The following TFCP2 variants were observed in gnomAD, a reference collection of about 807,000 sequenced individuals.
TFCP2 encodes transcription factor CP2, also known as alpha-globin transcription factor CP2.
Under a neutral mutation model 73.4 loss-of-function variants are expected in TFCP2, and 33 were observed. The ratio of observed to expected loss-of-function variants is 0.45; its 90% confidence interval spans 0.34 to 0.60. TFCP2 has a LOEUF of 0.60. Among genes scored for constraint, TFCP2 ranks in the 20% least tolerant of loss-of-function variants. The pLI is 0.01. For missense variants in TFCP2, 352 were observed against 604.0 expected, an observed-to-expected ratio of 0.58 and a Z score of 4.37; for synonymous variants, 193 against 211.6, an observed-to-expected ratio of 0.91 and a Z score of 0.76.
chr12:51,104,228 G>C (rs774146950), intron 8 of TFCP2, 25 bp from the exon 9 acceptor site: 1 of 1,608,666 alleles, frequency 6.2e-7, no homozygotes, highest in Non-Finnish European at 8.5e-7. Context: ...AAAATGAAAG[G>C]ATGAGTCCAT....
chr12:51,163,544 C>T (rs953160824), intron 1 of TFCP2, among the ~76,000 whole-genome samples: 3 of 151,820 alleles, frequency 2.0e-5, no homozygotes, highest in African/African-American at 7.3e-5. Context: ...GAGCCAAGAT[C>T]ACGCCACTGT....
At chr12:51,129,172 A>G (rs1940881861) in intron 1 of TFCP2, among the ~76,000 whole-genome samples, 1 of 152,158 alleles carries the variant, frequency 6.6e-6, no homozygotes, top group Admixed American at 6.6e-5. Flanking sequence ...ATCAGACTAC[A>G]TTTGAATATA....
At chr12:51,121,805 T>C (rs1940682669) in intron 1 of TFCP2, among the ~76,000 whole-genome samples, 1 of 152,084 alleles carries the variant, frequency 6.6e-6, no homozygotes, top group East Asian at 1.9e-4. Flanking sequence ...CAAAATGAAA[T>C]ACATTGAAAT....
chr12:51,100,613 TGAGACC>T (rs1421144371), intron 11 of TFCP2, among the ~76,000 whole-genome samples: 1 of 151,954 alleles, frequency 6.6e-6, no homozygotes, highest in Non-Finnish European at 1.5e-5. Flanking sequence ...CTCAGGAGTT[TGAGACC>T]AGCCAGGGGA....
intron 1 of TFCP2, among the ~76,000 whole-genome samples, chr12:51,136,260 G>C (rs997229303): frequency 1.4e-5 from 2 of 146,976 alleles, no homozygotes; most frequent in Non-Finnish European, 3.0e-5. Context: ...AGTGAGCTGA[G>C]ATCGCGCCAT....
chr12:51,128,409 T>G (rs967283465), intron 1 of TFCP2, among the ~76,000 whole-genome samples: 6 of 151,330 alleles, frequency 4.0e-5, no homozygotes, highest in African/African-American at 1.5e-4. Flanking sequence ...CACACCAGCA[T>G]GGCACTTGTA....
chr12:51,172,804 C>CA lies in TFCP2; in HGVS notation c.-383_-382insT. 5.6e-6 allele frequency: 1 copy of CA among 179,580 alleles called. No individual in the cohort carries two copies. The highest frequency in any genetic ancestry group is 2.4e-5 in the African/African-American group (1 of 42,302). The allele number at this position is 179,580 out of a possible 1,614,324, so 11.1% of individuals were successfully genotyped here. A position where few individuals can be genotyped will look rare whatever the true frequency, so the allele number is the denominator to read the frequency against. The stretch of plus-strand genomic sequence containing the variant: ...CAGCAGCCGCAGGAAGCCAGCCCGG[C>CA]GCTCCCACGCTGCTTTTGCACCTTT... On this transcript the variant is annotated 5_prime_UTR_variant, in exon 1 of 15. Coordinates refer to ENST00000257915, the MANE Select transcript of TFCP2 (RefSeq NM_005653.5).
chr12:51,121,518 T>G (rs1592804958), intron 1 of TFCP2, among the ~76,000 whole-genome samples: 1 of 146,544 alleles, frequency 6.8e-6, no homozygotes, highest in Admixed American at 6.9e-5. Flanking sequence ...CAGGCTTGAG[T>G]GCAGTGGCAC....
chr12:51,106,501 G>A (rs775860974), intron 8 of TFCP2, 24 bp downstream of exon 8: 1 of 1,568,790 alleles, frequency 6.4e-7, no homozygotes, highest in Non-Finnish European at 8.7e-7. Flanking sequence ...ACAAATATAA[G>A]CCAATTTTAT....
chr12:51,172,758 G>A lies in TFCP2; in HGVS notation c.-336C>T, dbSNP rs1056897. 35,255 of 198,154 alleles carry A rather than the reference G, an allele frequency of 0.18. 3,761 individuals carry two copies. The highest frequency in any genetic ancestry group is 0.27 in the South Asian group (3,109 of 11,342). The allele number at this position is 198,154 out of a possible 1,614,324, so 12.3% of individuals were successfully genotyped here. On this transcript the variant is annotated 5_prime_UTR_variant, in exon 1 of 15. Coordinates refer to ENST00000257915, the MANE Select transcript of TFCP2 (RefSeq NM_005653.5). ...TCTTGAGAGTTCGTAGTGGTGGCTT[G>A]CTGCTTCCCAGTCAGACCAGCAGCA...
rs574215495 is a variant in TFCP2 at position 51,149,608 on chromosome 12, C to CT, written c.122+22692dup. 3.4e-3 allele frequency among the ~76,000 whole-genome samples: 516 copies of CT among 151,684 alleles called. 6 individuals are homozygous for CT. The highest frequency in any genetic ancestry group is 0.011 in the African/African-American group (469 of 41,372). ...GATAAATTTTTTCTTAATTTTTTTT[C>CT]TTTTTTTTCGAGATGGAGGCTCGCT... On this transcript the variant is annotated intron_variant, in intron 1 of 14. Transcript: ENST00000257915.
At position 51,151,245 on chromosome 12, in the gene TFCP2, T is replaced by C. The variant is rs1474182125; in HGVS notation, c.122+21056A>G. On this transcript the variant is annotated intron_variant, in intron 1 of 14. Coordinates refer to ENST00000257915, the MANE Select transcript of TFCP2 (RefSeq NM_005653.5). ...CTGGAGGAGCAGACCATATGGATCC[T>C]TGACAGACCTGTGGCTTTTATTCAG... Among the ~76,000 whole-genome samples the C allele has an allele frequency of 3.3e-5, 5 of 152,178 alleles. No homozygotes were observed. In the East Asian group the frequency reaches 9.6e-4, roughly 29 times the overall value.
At chr12:51,123,110 C>A (rs1940722644) in intron 1 of TFCP2, among the ~76,000 whole-genome samples, 1 of 152,168 alleles carries the variant, frequency 6.6e-6, no homozygotes, top group African/African-American at 2.4e-5. Context: ...TGGCATTACA[C>A]CTAACCCATG....
rs1939897760 is a variant in TFCP2, at chr12:51,094,018, CTTAAGGAAGA to C, written c.*1213_*1222del. The C allele has an allele frequency of 6.6e-6, 1 of 151,722 alleles. No homozygotes were observed. Among genetic ancestry groups the C allele is most frequent in the Non-Finnish European group, 1.5e-5 (1 of 67,966 alleles). The allele number at this position is 151,722 out of a possible 1,614,324, so 9.4% of individuals were successfully genotyped here. A position where few individuals can be genotyped will look rare whatever the true frequency, so the allele number is the denominator to read the frequency against. ...ACACACACACACACACACAATCATT[CTTAAGGAAGA>C]ACAAAAACATGGTAAGAGTGTGAAC... On this transcript the variant is annotated 3_prime_UTR_variant, in exon 15 of 15. Coordinates refer to ENST00000257915, the MANE Select transcript of TFCP2 (RefSeq NM_005653.5).
intron 1 of TFCP2, among the ~76,000 whole-genome samples, chr12:51,130,263 G>A (rs1416738963): frequency 1.3e-5 from 2 of 152,182 alleles, no homozygotes; most frequent in South Asian, 2.1e-4. Flanking sequence ...CCTGAGGTCA[G>A]GAGTTCAAGT....
intron 1 of TFCP2, among the ~76,000 whole-genome samples, chr12:51,152,792 T>C (rs1024311974): frequency 9.9e-5 from 15 of 152,242 alleles, no homozygotes; most frequent in African/African-American, 3.6e-4. Flanking sequence ...CTGCTTTTTA[T>C]TGTGATAAAA....
At chr12:51,105,830 C>T (rs1940222462) in intron 8 of TFCP2, among the ~76,000 whole-genome samples, 1 of 152,106 alleles carries the variant, frequency 6.6e-6, no homozygotes, top group Non-Finnish European at 1.5e-5. Flanking sequence ...ACATTGCAAC[C>T]AAACAATATA....
chr12:51,156,028 T>G (rs760487471), intron 1 of TFCP2, among the ~76,000 whole-genome samples: 1 of 146,666 alleles, frequency 6.8e-6, no homozygotes, highest in Non-Finnish European at 1.5e-5. Context: ...AGTGATAGAG[T>G]GAGACTCTTT....
chr12:51,114,471 G>A (rs1214595025), intron 4 of TFCP2, among the ~76,000 whole-genome samples: 1 of 152,074 alleles, frequency 6.6e-6, no homozygotes, highest in Non-Finnish European at 1.5e-5. Flanking sequence ...TGGGTGTGGT[G>A]GCGGGCACCT....
Sources: gnomAD v4.1 joint callset for allele counts (sites outside exome capture counted in the v4.1 genomes callset) on GRCh38, gnomAD v4.1.1 for gene constraint, MANE v1.5 for transcripts, NCBI Gene and HGNC (gene_info 2026-07-23, HGNC 2026-07-21) for gene names.